SPG11: variants seen among roughly 807,000 people sequenced by gnomAD.
SPG11 encodes the protein SPG11 vesicle trafficking associated, spatacsin.
Under a neutral mutation model 274.0 loss-of-function variants are expected in SPG11, and 222 were observed. The ratio of observed to expected loss-of-function variants is 0.81; its 90% confidence interval spans 0.73 to 0.91. SPG11 has a LOEUF of 0.91. Among genes scored for constraint, SPG11 ranks in the 40% least tolerant of loss-of-function variants. SPG11 has a pLI of 0.00. For synonymous variants in SPG11, 1,144 were observed against 1,039.7 expected, an observed-to-expected ratio of 1.10 and a Z score of -1.93; for missense variants, 3,114 against 2,872.7, an observed-to-expected ratio of 1.08 and a Z score of -1.92.
In SPG11 at chr15:44,647,109, C is replaced by T. The variant is rs374109614; in HGVS notation, c.1602+1757G>A. On this transcript the variant is annotated intron_variant, in intron 7 of 39. Transcript: ENST00000261866. ...CTCTTAGAACTCAATAAAAAGACAA[C>T]CTAATTTGACAGACATTTCTCCAAA... Among the ~76,000 whole-genome samples, 6 of 152,180 alleles carry T rather than the reference C, an allele frequency of 3.9e-5. No individual in the cohort carries two copies. In the South Asian group the frequency reaches 1.2e-3, roughly 32 times the overall value.
intron 15 of SPG11, 117 bp from the exon 16 acceptor site, chr15:44,615,683 GC>G: frequency 1.1e-6 from 1 of 911,444 alleles, no homozygotes; most frequent in Non-Finnish European, 1.7e-6. Flanking sequence ...AATTAATGCT[GC>G]CAGTTCTTAC....
At chr15:44,636,127 T>C (rs1436755618) in intron 7 of SPG11, among the ~76,000 whole-genome samples, 1 of 151,992 alleles carries the variant, frequency 6.6e-6, no homozygotes, top group Non-Finnish European at 1.5e-5. Flanking sequence ...TGAGAGCCAA[T>C]GGGCCAAAGT....
intron 7 of SPG11, among the ~76,000 whole-genome samples, chr15:44,647,116 T>G (rs2084632633): frequency 6.6e-6 from 1 of 152,128 alleles, no homozygotes; most frequent in African/African-American, 2.4e-5. Flanking sequence ...CAACCTAATT[T>G]GACAGACATT....
At chr15:44,660,094 AT>A (rs1217397582) in intron 2 of SPG11, among the ~76,000 whole-genome samples, 5 of 151,954 alleles carry the variant, frequency 3.3e-5, no homozygotes, top group Non-Finnish European at 7.4e-5. Flanking sequence ...AATAAATAAA[AT>A]TTTCTGGTAG....
chr15:44,657,309 GT>G lies in SPG11; in HGVS notation c.668-14del, dbSNP rs2084969717. On this transcript the variant is annotated splice_polypyrimidine_tract_variant and intron_variant, in intron 3 of 39. Transcript: ENST00000261866. ...ACATCAAAAATGTCTTTTAGTTAGA[GT>G]TAAAAGAAAATGCCAGTTTTGTAAG... 2.5e-6 allele frequency: 4 copies of G among 1,612,978 alleles called. No homozygotes were observed. Among genetic ancestry groups the G allele is most frequent in the East Asian group, 4.5e-5 (2 of 44,876 alleles).
chr15:44,605,541 G>C (rs117989597), intron 20 of SPG11, among the ~76,000 whole-genome samples: 2,210 of 152,228 alleles, frequency 0.015, 54 homozygotes, highest in East Asian at 0.099. Flanking sequence ...GTCTTTATAG[G>C]ACATCACGAT....
rs542185489 is a variant in SPG11, at chr15:44,573,976, T to C, written c.6007-231A>G. On this transcript the variant is annotated intron_variant, in intron 31 of 39. Coordinates refer to ENST00000261866, the MANE Select transcript of SPG11 (RefSeq NM_025137.4). ...CTTGTATTCAGAAAGCATCAGGTTA[T>C]TCTCTTGTTGGACACTTATTTTTTT... Among the ~76,000 whole-genome samples, 116 of 152,362 alleles carry C rather than the reference T, an allele frequency of 7.6e-4. 1 individual carries two copies. Among genetic ancestry groups the C allele is most frequent in the African/African-American group, 2.7e-3 (111 of 41,576 alleles).
chr15:44,567,375 T>C, intron 36 of SPG11, 49 bp downstream of exon 36: 2 of 1,576,002 alleles, frequency 1.3e-6, no homozygotes. Flanking sequence ...AAAGGAATTT[T>C]ACCTAGCTAG....
In SPG11 at chr15:44,633,639, T is replaced by C; in HGVS notation, c.1603-2A>G. On this transcript the variant is annotated splice_acceptor_variant, in intron 7 of 39. Coordinates refer to ENST00000261866, the MANE Select transcript of SPG11 (RefSeq NM_025137.4). LOFTEE classifies it high-confidence loss of function. ...CAGCTGACGATTTTCTATCCCGGCC[T>C]GAAATGAGGAGGAAAATAAAAATCA... 1 of 1,612,708 alleles carries C rather than the reference T, an allele frequency of 6.2e-7. No homozygotes were observed. The highest frequency in any genetic ancestry group is 2.2e-5 in the East Asian group (1 of 44,804).
Position 44,660,454 on chromosome 15 carries a change from C to G in SPG11, c.420G>C (p.Lys140Asn). 1 of 1,613,946 alleles carries G rather than the reference C, an allele frequency of 6.2e-7. No individual in the cohort carries two copies. The highest frequency in any genetic ancestry group is 8.5e-7 in the Non-Finnish European group (1 of 1,179,960). ...LYSCSREALQ[K>N]LIDDQDISIS... Reference sequence around the variant, plus strand: ...TACTGATATCTTGATCGTCAATGAGCTTTTGCAATGCCTCCCTACTACAGC... The same window carrying G: ...TACTGATATCTTGATCGTCAATGAGGTTTTGCAATGCCTCCCTACTACAGC... The change falls in exon 2 of 40, where the codon AAG becomes AAC. Residue 140 changes from lysine (K) to asparagine (N), a missense_variant. Physicochemically the swap from Lys to Asn is moderately conservative, Grantham distance 94. Coordinates refer to ENST00000261866, the MANE Select transcript of SPG11 (RefSeq NM_025137.4).
Position 44,565,851 on chromosome 15 carries a change from C to T in SPG11, c.6999+3G>A, listed in dbSNP as rs1489420090. 1.2e-6 allele frequency: 2 copies of T among 1,614,036 alleles called. No individual in the cohort carries two copies. Among genetic ancestry groups the T allele is most frequent in the Non-Finnish European group, 1.7e-6 (2 of 1,180,008 alleles). On this transcript the variant is annotated splice_donor_region_variant and intron_variant, in intron 38 of 39. Transcript: ENST00000261866. Reference sequence around the variant, plus strand: ...GCTGGCTACAGTTTGCTTTCTTGCTCACCTGGTAGAACCGAGGTAGGGCCA... The same window carrying T: ...GCTGGCTACAGTTTGCTTTCTTGCTTACCTGGTAGAACCGAGGTAGGGCCA...
chr15:44,572,536 G>C, intron 33 of SPG11, 147 bp downstream of exon 33: 1 of 761,262 alleles, frequency 1.3e-6, no homozygotes, highest in South Asian at 1.6e-5. Flanking sequence ...GTGAAGTTAA[G>C]GCTTTCTACC....
chr15:44,648,804 T>C, intron 7 of SPG11, 62 bp downstream of exon 7: 3 of 1,550,834 alleles, frequency 1.9e-6, no homozygotes, highest in South Asian at 2.2e-5. Flanking sequence ...AAATCCTAAA[T>C]CGAATAAAAG....
At chr15:44,654,540 T>C (rs1381279649) in intron 4 of SPG11, among the ~76,000 whole-genome samples, 1 of 151,318 alleles carries the variant, frequency 6.6e-6, no homozygotes, top group Non-Finnish European at 1.5e-5. Context: ...ACAAACTTAT[T>C]ATAAAAAGTT....
chr15:44,613,345 A>T, intron 17 of SPG11, 85 bp downstream of exon 17: 1 of 894,434 alleles, frequency 1.1e-6, no homozygotes, highest in Non-Finnish European at 1.8e-6. Context: ...TAATTTATTT[A>T]AAAGAGTTCA....
At chr15:44,635,408 C>G (rs1310753389) in intron 7 of SPG11, among the ~76,000 whole-genome samples, 2 of 151,500 alleles carry the variant, frequency 1.3e-5, no homozygotes, top group Non-Finnish European at 2.9e-5. Context: ...GACCTTGTTT[C>G]TAAAAAGGTT....
At chr15:44,581,376 T>G (rs1321803034) in intron 30 of SPG11, among the ~76,000 whole-genome samples, 1 of 151,918 alleles carries the variant, frequency 6.6e-6, no homozygotes, top group Non-Finnish European at 1.5e-5. Flanking sequence ...CTGGCTAATT[T>G]TTGTATTTTT....
At chr15:44,658,937 ATC>A (rs769829342) in intron 3 of SPG11, 140 bp downstream of exon 3, 32 of 730,406 alleles carry the variant, frequency 4.4e-5, no homozygotes, top group Non-Finnish European at 6.9e-5. Flanking sequence ...GTTTATGAGG[ATC>A]TTTTTCCATG....
chr15:44,575,153 C>T, intron 30 of SPG11, 112 bp from the exon 31 acceptor site: 7 of 1,339,200 alleles, frequency 5.2e-6, no homozygotes, highest in Non-Finnish European at 7.3e-6. Context: ...ACTCCCATTA[C>T]TCTGACTGGG....
Sources: allele counts gnomAD v4.1 joint callset (sites outside exome capture counted in the v4.1 genomes callset), GRCh38; gene constraint gnomAD v4.1.1; transcripts MANE v1.5; gene names NCBI Gene and HGNC (gene_info 2026-07-23, HGNC 2026-07-21).